MAML3: variants seen among roughly 807,000 people sequenced by gnomAD.
MAML3 encodes mastermind like transcriptional coactivator 3.
MAML3 carries 27 observed loss-of-function variants against 101.9 expected under a neutral mutation model. The ratio of observed to expected loss-of-function variants is 0.27; its 90% CI spans 0.20 to 0.37. The LOEUF is 0.37. MAML3 is among the 10% of genes least tolerant of loss of function. The pLI is 1.00. For synonymous variants in MAML3, 501 were observed against 555.9 expected (o/e 0.90, Z 1.39); for missense variants, 1,316 against 1,444.9 (o/e 0.91, Z 1.45).
chr4:140,020,814 T>G (rs1433720209), intron 1 of MAML3, among the ~76,000 whole-genome samples: 1 of 152,136 alleles, frequency 6.6e-6, no homozygotes, highest in African/African-American at 2.4e-5. Context: ...CAAATACAAA[T>G]TAAAAAATTG....
At chr4:140,090,977 G>A (rs1047219952) in intron 1 of MAML3, among the ~76,000 whole-genome samples, 1 of 152,158 alleles carries the variant, frequency 6.6e-6, no homozygotes, top group African/African-American at 2.4e-5. Context: ...TTGAATCCAG[G>A]AGGCGGAGGT....
chr4:139,885,405 C>CA lies in MAML3; in HGVS notation c.2079+3951dup, dbSNP rs202092669. 5.1e-3 allele frequency among the ~76,000 whole-genome samples: 781 copies of CA among 151,688 alleles called. 5 individuals carry two copies. Among genetic ancestry groups the CA allele is most frequent in the African/African-American group, 0.018 (728 of 41,330 alleles). On this transcript the variant is annotated intron_variant, in intron 2 of 4. Transcript: ENST00000509479. ...TGGGCAACAAAGTGAGACTCTTTCT[C>CA]AAAAAAAGAAAGAAAGAAAGAATAA...
intron 1 of MAML3, among the ~76,000 whole-genome samples, chr4:139,977,295 C>A (rs149354367): frequency 1.3e-5 from 2 of 152,020 alleles, no homozygotes; most frequent in Non-Finnish European, 2.9e-5. Context: ...TCCCAGAGTA[C>A]GCAGGACGGC....
Position 139,720,298 on chromosome 4 carries a change from T to A in MAML3, c.2442A>T (p.Val814=). 6.4e-7 allele frequency: 1 copy of A among 1,552,708 alleles called. No homozygotes were observed. The highest frequency in any genetic ancestry group is 8.7e-7 in the Non-Finnish European group (1 of 1,147,432). ...FQGSPQDIAA[V]RSQAALQSMR... is the part of the protein sequence containing the mutation. ...TGCTCTGGAGGGCTGCTTGGCTTCTTACGGCTGCTATATCCTGGGGAGAAC... is the reference window on the plus strand; with the variant it reads ...TGCTCTGGAGGGCTGCTTGGCTTCTAACGGCTGCTATATCCTGGGGAGAAC... The change falls in exon 5 of 5, where the codon GTA becomes GTT. Residue 814 remains valine (V), a synonymous_variant. Transcript: ENST00000509479.
chr4:139,842,066 G>A (rs1440174493), intron 2 of MAML3, among the ~76,000 whole-genome samples: 1 of 152,182 alleles, frequency 6.6e-6, no homozygotes, highest in Non-Finnish European at 1.5e-5. Context: ...TCAATAAAAG[G>A]TCCAGAGTTC....
At chr4:140,076,690 A>G (rs1727772916) in intron 1 of MAML3, among the ~76,000 whole-genome samples, 1 of 152,146 alleles carries the variant, frequency 6.6e-6, no homozygotes, top group African/African-American at 2.4e-5. Flanking sequence ...TTGTGTGGAC[A>G]CCATCTTTCC....
intron 1 of MAML3, among the ~76,000 whole-genome samples, chr4:140,003,894 A>T (rs1726391769): frequency 6.6e-6 from 1 of 152,230 alleles, no homozygotes; most frequent in South Asian, 2.1e-4. Flanking sequence ...TCCCACAAGG[A>T]AAGTTTCTGT....
intron 1 of MAML3, among the ~76,000 whole-genome samples, chr4:140,037,665 A>C (rs536210283): frequency 9.3e-4 from 141 of 152,372 alleles, no homozygotes; most frequent in Non-Finnish European, 1.8e-3. Flanking sequence ...ACAGCTAACT[A>C]GTTATGCAGG....
At chr4:139,797,614 T>C (rs932103846) in intron 2 of MAML3, among the ~76,000 whole-genome samples, 3 of 151,994 alleles carry the variant, frequency 2.0e-5, no homozygotes, top group Non-Finnish European at 4.4e-5. Context: ...AGAGACCAGA[T>C]TGAGGGGTAG....
chr4:140,029,877 G>A (rs1312833426), intron 1 of MAML3, among the ~76,000 whole-genome samples: 1 of 152,076 alleles, frequency 6.6e-6, no homozygotes, highest in Non-Finnish European at 1.5e-5. Context: ...AAGTTACTCT[G>A]GATAGTTTGA....
chr4:139,721,358 T>G lies in MAML3; in HGVS notation c.2417-1035A>C, dbSNP rs906528804. Among the ~76,000 whole-genome samples, 3 of 152,116 alleles carry G rather than the reference T, an allele frequency of 2.0e-5. No homozygotes were observed. The South Asian group carries it at 6.2e-4, about 32-fold the overall frequency. On this transcript the variant is annotated intron_variant, in intron 4 of 4. Coordinates refer to ENST00000509479, the MANE Select transcript of MAML3 (RefSeq NM_018717.5). ...GGTCTAGGAGGTACACAAAAACGGA[T>G]TTTTCTATGTCCCTGCTAATGATTG...
Position 139,929,571 on chromosome 4 carries a change from C to T in MAML3, c.469-38604G>A, listed in dbSNP as rs138245707. ...TTCAGATGCAGTTTATTGCAGGGAA[C>T]AGCTTAAACTCAAATATACTAGCAT... On this transcript the variant is annotated intron_variant, in intron 1 of 4. Coordinates refer to ENST00000509479, the MANE Select transcript of MAML3 (RefSeq NM_018717.5). Among the ~76,000 whole-genome samples, 199 of 152,298 alleles carry T rather than the reference C, an allele frequency of 1.3e-3. 1 individual carries two copies. Among genetic ancestry groups the T allele is most frequent in the African/African-American group, 4.3e-3 (180 of 41,566 alleles).
chr4:140,010,496 A>T (rs775785030), intron 1 of MAML3, among the ~76,000 whole-genome samples: 1 of 152,152 alleles, frequency 6.6e-6, no homozygotes, highest in Non-Finnish European at 1.5e-5. Context: ...AGATCAGTTT[A>T]AACAATTTAA....
intron 1 of MAML3, among the ~76,000 whole-genome samples, chr4:139,967,962 CAAAA>C (rs200126630): frequency 1.5e-4 from 15 of 102,922 alleles, no homozygotes; most frequent in Non-Finnish European, 1.9e-4. Flanking sequence ...GACCCTGTCT[CAAAA>C]AAAAAAAAAA....
At chr4:139,782,707 C>T (rs1730239559) in intron 2 of MAML3, among the ~76,000 whole-genome samples, 2 of 152,040 alleles carry the variant, frequency 1.3e-5, no homozygotes, top group Non-Finnish European at 1.5e-5. Context: ...TCTTTACTGC[C>T]GAGGAGCTGG....
At chr4:140,001,657 C>T (rs531147488) in intron 1 of MAML3, among the ~76,000 whole-genome samples, 13 of 152,304 alleles carry the variant, frequency 8.5e-5, no homozygotes, top group South Asian at 6.2e-4. Flanking sequence ...ACTAACCCAA[C>T]AATATTTCCC....
At chr4:140,015,360 C>T (rs1726625772) in intron 1 of MAML3, among the ~76,000 whole-genome samples, 1 of 152,092 alleles carries the variant, frequency 6.6e-6, no homozygotes, top group African/African-American at 2.4e-5. Flanking sequence ...GAAGACATAA[C>T]TAACTAGCAA....
chr4:139,758,362 C>T (rs775834388), intron 2 of MAML3, among the ~76,000 whole-genome samples: 1 of 152,152 alleles, frequency 6.6e-6, no homozygotes, highest in Non-Finnish European at 1.5e-5. Flanking sequence ...CAAGGAGTCA[C>T]GGTAGAATCT....
intron 1 of MAML3, among the ~76,000 whole-genome samples, chr4:139,968,384 T>C (rs530689777): frequency 6.6e-6 from 1 of 151,858 alleles, no homozygotes; most frequent in South Asian, 2.1e-4. Flanking sequence ...TGAGGTTTAT[T>C]TGCAATTGAA....
Sources: gnomAD v4.1 joint callset for allele counts (sites outside exome capture counted in the v4.1 genomes callset) on GRCh38, gnomAD v4.1.1 for gene constraint, MANE v1.5 for transcripts, NCBI Gene and HGNC (gene_info 2026-07-23, HGNC 2026-07-21) for gene names.